The following GLRA3 variants were observed in gnomAD, a reference collection of about 807,000 sequenced individuals.
GLRA3 encodes the protein glycine receptor subunit alpha-3.
GLRA3 carries 44 observed loss-of-function variants against 60.4 expected under a neutral mutation model. The ratio of observed to expected loss-of-function variants is 0.73; its 90% CI spans 0.57 to 0.94. GLRA3 has a LOEUF of 0.94. GLRA3 is among the 40% of genes least tolerant of loss of function. The probability of loss-of-function intolerance (pLI) is 0.00; values close to 1 mark genes in which losing one functional copy is unlikely to be tolerated. For synonymous variants in GLRA3, 223 were observed against 192.9 expected (o/e 1.16, Z -1.29); for missense variants, 508 against 564.6 (o/e 0.90, Z 1.02).
intron 9 of GLRA3, among the ~76,000 whole-genome samples, chr4:174,650,806 C>T (rs947279968): frequency 3.3e-5 from 5 of 152,212 alleles, no homozygotes; most frequent in African/African-American, 1.2e-4. Context: ...GTCTGAACCT[C>T]ATGACTCTCT....
intron 3 of GLRA3, among the ~76,000 whole-genome samples, chr4:174,755,226 C>G (rs1737647684): frequency 2.0e-5 from 3 of 152,140 alleles, no homozygotes; most frequent in Middle Eastern, 6.8e-3. Flanking sequence ...TAAATACATG[C>G]TTACATATAT....
chr4:174,653,214 C>A (rs1435035127), intron 9 of GLRA3, among the ~76,000 whole-genome samples: 1 of 151,636 alleles, frequency 6.6e-6, no homozygotes, highest in African/African-American at 2.4e-5. Flanking sequence ...TAATAAACAG[C>A]AATGACTTAT....
At chr4:174,754,760 A>G (rs560045471) in intron 3 of GLRA3, among the ~76,000 whole-genome samples, 1 of 152,132 alleles carries the variant, frequency 6.6e-6, no homozygotes, top group African/African-American at 2.4e-5. Context: ...TGTGATAAAA[A>G]TTACTGTAAA....
At chr4:174,807,002 G>A (rs983081798) in intron 1 of GLRA3, among the ~76,000 whole-genome samples, 2 of 151,976 alleles carry the variant, frequency 1.3e-5, no homozygotes, top group South Asian at 4.1e-4. Context: ...ACATAATCAA[G>A]ACAGTTAGAG....
In GLRA3 at chr4:174,732,270, G is replaced by T. The variant is rs921874666; in HGVS notation, c.268-3572C>A. 4.0e-5 allele frequency among the ~76,000 whole-genome samples: 6 copies of T among 151,720 alleles called. No individual in the cohort carries two copies. The East Asian group carries it at 1.2e-3, about 29-fold the overall frequency. Reference sequence around the variant, plus strand: ...CTTGGGAGGCTGAAGCAGGAGAGACGCTTGAACCCAGGAGGCGGAGCTTGC... The same window carrying T: ...CTTGGGAGGCTGAAGCAGGAGAGACTCTTGAACCCAGGAGGCGGAGCTTGC... On this transcript the variant is annotated intron_variant, in intron 3 of 9. Coordinates refer to ENST00000274093, the MANE Select transcript of GLRA3 (RefSeq NM_006529.4).
intron 4 of GLRA3, among the ~76,000 whole-genome samples, chr4:174,726,027 T>C (rs527424050): frequency 6.6e-6 from 1 of 152,368 alleles, no homozygotes; most frequent in Admixed American, 6.5e-5. Context: ...CCACTCTCTA[T>C]ACAGGCCTGT....
chr4:174,653,506 C>T (rs1428961073), intron 9 of GLRA3, among the ~76,000 whole-genome samples: 1 of 151,756 alleles, frequency 6.6e-6, no homozygotes, highest in East Asian at 1.9e-4. Context: ...TCTGAATTAG[C>T]TATTAATTAG....
chr4:174,654,554 C>T (rs935091526), intron 9 of GLRA3, among the ~76,000 whole-genome samples: 21 of 152,184 alleles, frequency 1.4e-4, no homozygotes, highest in Middle Eastern at 6.8e-3. Context: ...GGGAAACAGG[C>T]ACTAGAATAC....
At chr4:174,725,831 A>G (rs1162357641) in intron 4 of GLRA3, among the ~76,000 whole-genome samples, 1 of 152,118 alleles carries the variant, frequency 6.6e-6, no homozygotes, top group Admixed American at 6.5e-5. Context: ...CTTTTTCCAG[A>G]ATTATTGAAC....
At chr4:174,818,059 A>G (rs1247830412) in intron 1 of GLRA3, among the ~76,000 whole-genome samples, 9 of 152,214 alleles carry the variant, frequency 5.9e-5, no homozygotes, top group Admixed American at 2.0e-4. Context: ...TAAAAGTAGC[A>G]TATTAAATAT....
At chr4:174,775,349 C>A (rs1053100357) in intron 2 of GLRA3, among the ~76,000 whole-genome samples, 1 of 151,842 alleles carries the variant, frequency 6.6e-6, no homozygotes. Flanking sequence ...CACATGCCAC[C>A]CTTGGCATGG....
chr4:174,718,974 T>TTA (rs1736033623), intron 4 of GLRA3, among the ~76,000 whole-genome samples: 1 of 143,764 alleles, frequency 7.0e-6, no homozygotes. Flanking sequence ...TTTTTTTTTT[T>TTA]TTTTTTTTGA....
At chr4:174,734,827 A>T (rs1013339069) in intron 3 of GLRA3, among the ~76,000 whole-genome samples, 2 of 151,950 alleles carry the variant, frequency 1.3e-5, no homozygotes, top group Non-Finnish European at 2.9e-5. Context: ...ACTCGAATGC[A>T]ATAATTTCTG....
intron 3 of GLRA3, among the ~76,000 whole-genome samples, chr4:174,752,953 A>T (rs557130003): frequency 1.3e-5 from 2 of 152,284 alleles, no homozygotes; most frequent in South Asian, 2.1e-4. Context: ...CAGTAAATCC[A>T]TGTTTCTTCA....
chr4:174,815,680 G>T (rs972983136), intron 1 of GLRA3, among the ~76,000 whole-genome samples: 8 of 152,116 alleles, frequency 5.3e-5, no homozygotes, highest in Admixed American at 5.2e-4. Flanking sequence ...CTGTACCTTG[G>T]CCCATTTTAG....
chr4:174,740,652 CT>C (rs1436833238), intron 3 of GLRA3, among the ~76,000 whole-genome samples: 9 of 152,134 alleles, frequency 5.9e-5, no homozygotes, highest in Admixed American at 3.9e-4. Flanking sequence ...TCAGATAGAG[CT>C]TACATACAGA....
At chr4:174,666,719 C>A (rs1047065014) in intron 7 of GLRA3, among the ~76,000 whole-genome samples, 16 of 143,214 alleles carry the variant, frequency 1.1e-4, no homozygotes, top group African/African-American at 3.9e-4. Context: ...AGAAAGCCTG[C>A]CTCTTGCATC....
chr4:174,768,456 G>C (rs1188164523), intron 2 of GLRA3, among the ~76,000 whole-genome samples: 3 of 152,074 alleles, frequency 2.0e-5, no homozygotes, highest in Non-Finnish European at 2.9e-5. Context: ...GCCCGACTTA[G>C]TATTCATCAT....
chr4:174,822,541 T>C (rs1350768054), intron 1 of GLRA3, among the ~76,000 whole-genome samples: 1 of 152,216 alleles, frequency 6.6e-6, no homozygotes, highest in Non-Finnish European at 1.5e-5. Flanking sequence ...TCACTAGGAA[T>C]TTTAAAGATT....
Sources: allele counts gnomAD v4.1 joint callset (sites outside exome capture counted in the v4.1 genomes callset), GRCh38; gene constraint gnomAD v4.1.1; transcripts MANE v1.5; gene names NCBI Gene and HGNC (gene_info 2026-07-23, HGNC 2026-07-21).